ARPP21: variants seen among roughly 807,000 people sequenced by gnomAD.
ARPP21 encodes cAMP-regulated phosphoprotein 21.
A neutral mutation model predicts 113.2 loss-of-function variants in ARPP21; 69 were observed. The ratio of observed to expected loss-of-function variants is 0.61; its 90% CI spans 0.50 to 0.74. ARPP21 has a LOEUF of 0.74. ARPP21 is among the 30% of genes least tolerant of loss of function. ARPP21 has a pLI of 0.00. For synonymous variants in ARPP21, 368 were observed against 375.5 expected, an observed-to-expected ratio of 0.98 and a Z score of 0.23; for missense variants, 1,070 against 1,037.4, an observed-to-expected ratio of 1.03 and a Z score of -0.43.
chr3:35,757,252 AC>A (rs1307499889), intron 19 of ARPP21, among the ~76,000 whole-genome samples: 1 of 151,748 alleles, frequency 6.6e-6, no homozygotes, highest in Non-Finnish European at 1.5e-5. Context: ...TTGTAAAGAT[AC>A]GGTCTTGTTA....
intron 9 of ARPP21, among the ~76,000 whole-genome samples, chr3:35,695,464 G>A (rs1170409600): frequency 6.6e-6 from 1 of 151,480 alleles, no homozygotes; most frequent in Non-Finnish European, 1.5e-5. Context: ...TTATAGTGGG[G>A]GAATAACTTC....
intron 9 of ARPP21, among the ~76,000 whole-genome samples, chr3:35,700,623 T>C (rs919414551): frequency 6.6e-6 from 1 of 151,650 alleles, no homozygotes; most frequent in Non-Finnish European, 1.5e-5. Flanking sequence ...ACCCTGGAGC[T>C]GAAGAAGAAA....
At chr3:35,777,658 C>A (rs2096410875) in intron 19 of ARPP21, among the ~76,000 whole-genome samples, 1 of 152,104 alleles carries the variant, frequency 6.6e-6, no homozygotes, top group Non-Finnish European at 1.5e-5. Context: ...CAGTTAAGGT[C>A]ATTGTAGAAA....
At chr3:35,753,793 A>C (rs1160875698) in intron 19 of ARPP21, among the ~76,000 whole-genome samples, 1 of 151,968 alleles carries the variant, frequency 6.6e-6, no homozygotes. Flanking sequence ...TCCAAGTAAG[A>C]AATAAGGTTA....
rs141444314 is a variant in ARPP21 at position 35,743,863 on chromosome 3, G to T, written c.2035G>T (p.Gly679Cys). The change falls in exon 19 of 21, where the codon GGT (glycine) becomes TGT (cysteine). Residue 679 changes from glycine to cysteine, a missense_variant. By Grantham distance (159) the Gly-to-Cys change is radical. Transcript: ENST00000684406. ...GATGCCTGTATATTATTACCCATCT[G>T]GTCAGTACCCTACCTCAACCACGCA... ...AQMPVYYYPS[G>C]QYPTSTTQQY... 17 of 1,613,780 alleles carry T rather than the reference G, an allele frequency of 1.1e-5. No individual in the cohort carries two copies. Among genetic ancestry groups the T allele is most frequent in the African/African-American group, 2.7e-5 (2 of 74,880 alleles).
intron 19 of ARPP21, among the ~76,000 whole-genome samples, chr3:35,780,527 T>C (rs1335817943): frequency 6.6e-6 from 1 of 151,984 alleles, no homozygotes; most frequent in African/African-American, 2.4e-5. Context: ...AGAGTAGAGA[T>C]GGCCTCCCCC....
chr3:35,784,690 C>T (rs555115141), intron 19 of ARPP21, among the ~76,000 whole-genome samples: 1 of 152,116 alleles, frequency 6.6e-6, no homozygotes, highest in Non-Finnish European at 1.5e-5. Context: ...TATTGTTAAA[C>T]CTACCACTAG....
At chr3:35,651,856 T>A (rs1380950417) in intron 1 of ARPP21, 1 of 152,106 alleles carries the variant, frequency 6.6e-6, no homozygotes, top group Non-Finnish European at 1.5e-5. Context: ...TTTCATGATG[T>A]GGCAGTTATC....
chr3:35,690,741 C>A, intron 8 of ARPP21, 124 bp from the exon 9 acceptor site: 6 of 857,692 alleles, frequency 7.0e-6, no homozygotes, highest in Admixed American at 3.5e-5. Flanking sequence ...TAAGTGATGC[C>A]AGAAATGCAA....
intron 19 of ARPP21, among the ~76,000 whole-genome samples, chr3:35,757,348 C>A (rs999757678): frequency 1.3e-5 from 2 of 151,964 alleles, no homozygotes; most frequent in African/African-American, 4.8e-5. Context: ...CAGGAGTGAG[C>A]CACCACACCC....
chr3:35,713,078 G>A (rs958400451), intron 11 of ARPP21, among the ~76,000 whole-genome samples: 2 of 152,138 alleles, frequency 1.3e-5, no homozygotes, highest in Admixed American at 1.3e-4. Flanking sequence ...AGGGTGGGAT[G>A]TGGGAGAGAA....
intron 9 of ARPP21, among the ~76,000 whole-genome samples, chr3:35,696,895 T>C (rs1266521494): frequency 4.0e-5 from 6 of 151,724 alleles, no homozygotes; most frequent in Non-Finnish European, 1.5e-5. Flanking sequence ...CTCTCTCTTT[T>C]ACTCATTTTC....
intron 15 of ARPP21, among the ~76,000 whole-genome samples, chr3:35,736,305 C>T (rs2094346756): frequency 6.6e-6 from 1 of 152,140 alleles, no homozygotes; most frequent in Admixed American, 6.5e-5. Flanking sequence ...ACACCCGCTC[C>T]TTGACTGCAC....
At chr3:35,751,655 A>C (rs560181424) in intron 19 of ARPP21, among the ~76,000 whole-genome samples, 2 of 152,144 alleles carry the variant, frequency 1.3e-5, no homozygotes, top group African/African-American at 4.8e-5. Context: ...TATGAGTACT[A>C]TGAATATAAA....
chr3:35,667,926 G>A (rs59332673), intron 1 of ARPP21, among the ~76,000 whole-genome samples: 18 of 130,546 alleles, frequency 1.4e-4, no homozygotes, highest in African/African-American at 6.1e-4. Flanking sequence ...GGAGGAGGAG[G>A]AGGAGGAGAA....
intron 19 of ARPP21, among the ~76,000 whole-genome samples, chr3:35,749,862 T>A (rs1319332335): frequency 2.6e-5 from 4 of 152,134 alleles, no homozygotes; most frequent in Non-Finnish European, 5.9e-5. Context: ...GATAGTTTTA[T>A]TTCTTTACTA....
intron 1 of ARPP21, among the ~76,000 whole-genome samples, chr3:35,661,101 A>T (rs1038030483): frequency 2.0e-5 from 3 of 152,190 alleles, no homozygotes; most frequent in Non-Finnish European, 2.9e-5. Flanking sequence ...CTTCACTGGC[A>T]TAACAAGGCC....
Position 35,690,879 on chromosome 3 carries a change from AG to A in ARPP21, c.561del (p.Lys187AsnfsTer52), listed in dbSNP as rs778577870. 6.2e-7 allele frequency: 1 copy of A among 1,606,006 alleles called. No homozygotes were observed. Among genetic ancestry groups the A allele is most frequent in the Non-Finnish European group, 8.5e-7 (1 of 1,176,518 alleles). ...TTATGTTCTAGTAATCATTATAAAA[AG>A]TTCCCTCAGATGTCATCGTATCAGA... ...FIADNNNHYK[K>X]FPQMSSYQRM... On this transcript the variant is annotated frameshift_variant, in exon 9 of 21. Transcript: ENST00000684406. LOFTEE classifies it high-confidence loss of function.
At chr3:35,719,637 A>G (rs2092852477) in intron 13 of ARPP21, among the ~76,000 whole-genome samples, 1 of 152,206 alleles carries the variant, frequency 6.6e-6, no homozygotes, top group Non-Finnish European at 1.5e-5. Flanking sequence ...ATGGAGGTGC[A>G]GAGTTCATGG....
Sources: gnomAD v4.1 joint callset for allele counts (sites outside exome capture counted in the v4.1 genomes callset) on GRCh38, gnomAD v4.1.1 for gene constraint, MANE v1.5 for transcripts, NCBI Gene and HGNC (gene_info 2026-07-23, HGNC 2026-07-21) for gene names.